Variants in CACNG3 observed in about 807,000 individuals in gnomAD.
The protein encoded by CACNG3 is voltage-dependent calcium channel gamma-3 subunit.
A neutral mutation model predicts 28.5 loss-of-function variants in CACNG3; 3 were observed. That is an observed-to-expected ratio of 0.11 (90% CI 0.05 to 0.27). The LOEUF (loss-of-function observed/expected upper bound fraction) is 0.27. CACNG3 is among the 10% of genes least tolerant of loss of function. The pLI, the probability that CACNG3 is intolerant of heterozygous loss-of-function variation, is 1.00. For synonymous variants in CACNG3, 174 were observed against 162.2 expected, an observed-to-expected ratio of 1.07 and a Z score of -0.55; for missense variants, 236 against 414.4, an observed-to-expected ratio of 0.57 and a Z score of 3.74.
chr16:24,334,761 C>A (rs527250290), intron 1 of CACNG3, among the ~76,000 whole-genome samples: 1 of 152,300 alleles, frequency 6.6e-6, no homozygotes, highest in South Asian at 2.1e-4. Context: ...GGCCTTTGGC[C>A]AAAATTGGCA....
chr16:24,290,509 C>G (rs1338133705), intron 1 of CACNG3, among the ~76,000 whole-genome samples: 1 of 152,232 alleles, frequency 6.6e-6, no homozygotes, highest in Non-Finnish European at 1.5e-5. Flanking sequence ...AGCTGGCAAG[C>G]AGGCTCCAAG....
rs150734021 is a variant in CACNG3, at chr16:24,267,252, C to T, written c.211+10287C>T. On this transcript the variant is annotated intron_variant, in intron 1 of 3. Transcript: ENST00000005284. ...AAGTGCTGGGATTACAGGTTTGAGC[C>T]ACCGCACCTGGCCTATTTTTAATTT... Among the ~76,000 whole-genome samples the T allele has an allele frequency of 9.5e-3, 1,446 of 152,188 alleles. 23 individuals carry two copies. The highest frequency in any genetic ancestry group is 0.033 in the African/African-American group (1,364 of 41,534).
chr16:24,259,999 A>T (rs1567428287), intron 1 of CACNG3, among the ~76,000 whole-genome samples: 1 of 152,234 alleles, frequency 6.6e-6, no homozygotes, highest in Non-Finnish European at 1.5e-5. Flanking sequence ...TATGATGTTA[A>T]AGCCAACATG....
intron 1 of CACNG3, among the ~76,000 whole-genome samples, chr16:24,331,114 G>A (rs1899625825): frequency 6.6e-6 from 1 of 152,142 alleles, no homozygotes; most frequent in South Asian, 2.1e-4. Context: ...TGCCTACAAA[G>A]TTTCAAGGTA....
At chr16:24,317,145 G>T (rs1899362350) in intron 1 of CACNG3, among the ~76,000 whole-genome samples, 1 of 152,126 alleles carries the variant, frequency 6.6e-6, no homozygotes, top group South Asian at 2.1e-4. Context: ...GGCATGCTAG[G>T]TGCTTTATAT....
intron 1 of CACNG3, among the ~76,000 whole-genome samples, chr16:24,310,296 G>A (rs1899242843): frequency 6.6e-6 from 1 of 152,252 alleles, no homozygotes; most frequent in South Asian, 2.1e-4. Flanking sequence ...GGGCACAGTG[G>A]CTCACGCCTG....
intron 1 of CACNG3, among the ~76,000 whole-genome samples, chr16:24,337,773 T>C (rs1202966919): frequency 1.3e-5 from 2 of 152,008 alleles, no homozygotes; most frequent in African/African-American, 2.4e-5. Flanking sequence ...AAGTCAGTTC[T>C]TTCAGTTACC....
intron 1 of CACNG3, among the ~76,000 whole-genome samples, chr16:24,341,803 T>TG (rs1476758667): frequency 1.3e-5 from 2 of 152,084 alleles, no homozygotes; most frequent in African/African-American, 4.8e-5. Context: ...TAGAGCCAGG[T>TG]GGGGACTTTG....
chr16:24,339,705 A>G (rs1327885380), intron 1 of CACNG3, among the ~76,000 whole-genome samples: 1 of 152,180 alleles, frequency 6.6e-6, no homozygotes, highest in African/African-American at 2.4e-5. Context: ...CTACTTAAGT[A>G]GACTAATTCT....
At chr16:24,313,927 T>G (rs192216420) in intron 1 of CACNG3, among the ~76,000 whole-genome samples, 35 of 152,200 alleles carry the variant, frequency 2.3e-4, no homozygotes, top group African/African-American at 7.5e-4. Context: ...GTATTTTTAG[T>G]AGAGACAGGA....
chr16:24,345,994 A>G (rs941027965), intron 1 of CACNG3, among the ~76,000 whole-genome samples: 1 of 152,218 alleles, frequency 6.6e-6, no homozygotes, highest in African/African-American at 2.4e-5. Context: ...ATAGCTACTT[A>G]CCTGAGTGAT....
At chr16:24,268,950 C>A (rs376998482) in intron 1 of CACNG3, among the ~76,000 whole-genome samples, 1 of 152,128 alleles carries the variant, frequency 6.6e-6, no homozygotes, top group Non-Finnish European at 1.5e-5. Context: ...ATAGACGATG[C>A]GAATCTGCAG....
chr16:24,260,668 T>A (rs1161495480), intron 1 of CACNG3, among the ~76,000 whole-genome samples: 2 of 152,220 alleles, frequency 1.3e-5, no homozygotes, highest in East Asian at 3.8e-4. Flanking sequence ...AAGTTTCAGA[T>A]CTCAGAGCAC....
chr16:24,319,326 T>A (rs947098764), intron 1 of CACNG3, among the ~76,000 whole-genome samples: 1 of 152,204 alleles, frequency 6.6e-6, no homozygotes, highest in Non-Finnish European at 1.5e-5. Context: ...TGTTTTGAGA[T>A]AGTTATCCTT....
At chr16:24,270,961 G>C (rs1213216410) in intron 1 of CACNG3, among the ~76,000 whole-genome samples, 1 of 152,230 alleles carries the variant, frequency 6.6e-6, no homozygotes, top group Non-Finnish European at 1.5e-5. Context: ...TGTGCCTGGA[G>C]TGTTCAAGAA....
intron 1 of CACNG3, among the ~76,000 whole-genome samples, chr16:24,300,615 C>T (rs969465805): frequency 8.3e-6 from 1 of 120,464 alleles, no homozygotes; most frequent in Non-Finnish European, 1.7e-5. Flanking sequence ...AAAAACAAAA[C>T]AAGACAAAAA....
At chr16:24,304,710 G>A (rs548315720) in intron 1 of CACNG3, among the ~76,000 whole-genome samples, 39 of 152,178 alleles carry the variant, frequency 2.6e-4, no homozygotes, top group African/African-American at 8.4e-4. Context: ...ACAGGTACAC[G>A]CCACCATGCC....
At chr16:24,320,693 G>A (rs905648753) in intron 1 of CACNG3, among the ~76,000 whole-genome samples, 6 of 151,990 alleles carry the variant, frequency 3.9e-5, no homozygotes, top group Non-Finnish European at 8.8e-5. Context: ...ATATTAAATG[G>A]AAAATTCCAG....
chr16:24,261,907 T>C (rs1898541623), intron 1 of CACNG3, among the ~76,000 whole-genome samples: 1 of 152,180 alleles, frequency 6.6e-6, no homozygotes, highest in Admixed American at 6.5e-5. Flanking sequence ...TCTGAAAACC[T>C]TCAGGGAAGC....
Sources: gnomAD v4.1 joint callset for allele counts (sites outside exome capture counted in the v4.1 genomes callset) on GRCh38, gnomAD v4.1.1 for gene constraint, MANE v1.5 for transcripts, NCBI Gene and HGNC (gene_info 2026-07-23, HGNC 2026-07-21) for gene names.